The following CD96 variants were observed in gnomAD, a reference collection of about 807,000 sequenced individuals.
CD96 encodes CD96 molecule.
CD96 carries 70 observed loss-of-function variants against 71.3 expected under a neutral mutation model. The observed-to-expected ratio is 0.98, with a 90% confidence interval of 0.81 to 1.20. CD96 has a LOEUF of 1.20. CD96 is among the 50% of genes most tolerant of loss of function. CD96 has a pLI of 0.00. For synonymous variants in CD96, 248 were observed against 233.0 expected, an observed-to-expected ratio of 1.06 and a Z score of -0.59; for missense variants, 742 against 677.5, an observed-to-expected ratio of 1.10 and a Z score of -1.06.
downstream of CD96, among the ~76,000 whole-genome samples, chr3:111,654,888 G>A (rs1318996823): frequency 6.6e-6 from 1 of 152,222 alleles, no homozygotes; most frequent in African/African-American, 2.4e-5. Flanking sequence ...GGCTGGAGGG[G>A]ATAGAACAAC....
chr3:111,561,804 C>A lies in CD96; in HGVS notation c.419-5719C>A, dbSNP rs539294989. On this transcript the variant is annotated intron_variant, in intron 2 of 13. Transcript: ENST00000352690. ...TGGGCAATGGCGGGCGCCCCTCCCC[C>A]AGCCTCGCTGCCGACTTGCAGTTTG... Among the ~76,000 whole-genome samples the A allele has an allele frequency of 6.0e-5, 9 of 150,490 alleles. No homozygotes were observed. The South Asian group carries it at 1.7e-3, about 29-fold the overall frequency.
At chr3:111,583,977 G>T (rs1936587981) in intron 4 of CD96, among the ~76,000 whole-genome samples, 2 of 152,194 alleles carry the variant, frequency 1.3e-5, no homozygotes, top group Non-Finnish European at 2.9e-5. Flanking sequence ...TAGAAAATGG[G>T]TTTCTCTTTT....
intron 12 of CD96, among the ~76,000 whole-genome samples, chr3:111,644,198 A>T (rs1399118873): frequency 6.6e-6 from 1 of 152,178 alleles, no homozygotes; most frequent in African/African-American, 2.4e-5. Flanking sequence ...TCAACAAAGC[A>T]AACAAAAACA....
At chr3:111,552,697 C>T (rs1446237034) in intron 2 of CD96, among the ~76,000 whole-genome samples, 4 of 152,052 alleles carry the variant, frequency 2.6e-5, no homozygotes, top group Non-Finnish European at 2.9e-5. Flanking sequence ...CAGATTTGGC[C>T]CACAGGCCAA....
chr3:111,572,512 T>C (rs529707605), intron 3 of CD96, among the ~76,000 whole-genome samples: 1 of 152,334 alleles, frequency 6.6e-6, no homozygotes, highest in East Asian at 1.9e-4. Context: ...CTTTAATCTC[T>C]TCTTAAACTA....
chr3:111,596,804 G>A (rs899460207), intron 5 of CD96, among the ~76,000 whole-genome samples: 1 of 152,112 alleles, frequency 6.6e-6, no homozygotes, highest in Non-Finnish European at 1.5e-5. Flanking sequence ...GGAGAGACTA[G>A]CATCCCTGGC....
intron 2 of CD96, among the ~76,000 whole-genome samples, chr3:111,558,047 C>T (rs1935166856): frequency 6.7e-6 from 1 of 149,328 alleles, no homozygotes; most frequent in African/African-American, 2.5e-5. Context: ...GATTTTTGTA[C>T]ATTGATTCTG....
At chr3:111,543,652 T>C (rs1934226887) in intron 1 of CD96, among the ~76,000 whole-genome samples, 1 of 152,242 alleles carries the variant, frequency 6.6e-6, no homozygotes. Flanking sequence ...AAGTTATATG[T>C]AGGCTAAGAA....
At chr3:111,566,605 G>C (rs1224752153) in intron 2 of CD96, among the ~76,000 whole-genome samples, 1 of 152,068 alleles carries the variant, frequency 6.6e-6, no homozygotes, top group African/African-American at 2.4e-5. Flanking sequence ...ATATTTAGAT[G>C]GTAGAGTTGC....
chr3:111,598,579 C>A (rs1430438309), intron 6 of CD96, among the ~76,000 whole-genome samples: 1 of 152,186 alleles, frequency 6.6e-6, no homozygotes, highest in Non-Finnish European at 1.5e-5. Context: ...TTTCTTATTT[C>A]AATACAATAT....
chr3:111,654,138 T>C (rs897472895), downstream of CD96, among the ~76,000 whole-genome samples: 4 of 152,196 alleles, frequency 2.6e-5, no homozygotes, highest in African/African-American at 9.6e-5. Context: ...TTGTTCTCTC[T>C]GAGACGAGGG....
chr3:111,653,766 A>T (rs1483391571), downstream of CD96, among the ~76,000 whole-genome samples: 2 of 148,738 alleles, frequency 1.3e-5, no homozygotes, highest in Non-Finnish European at 3.0e-5. Flanking sequence ...TTAGGTCAAT[A>T]TTTTTTTTTT....
Position 111,638,128 on chromosome 3 carries a change from T to G in CD96, c.1437T>G (p.Thr479=), listed in dbSNP as rs766329053. ...TARAFSEVPT[T]ANGSTKTNHV... Reference sequence around the variant, plus strand: ...GAGCATTTTCAGAAGTCCCCACAACTGCCAATGGATCTACGAAAACTAATC... The same window carrying G: ...GAGCATTTTCAGAAGTCCCCACAACGGCCAATGGATCTACGAAAACTAATC... The change falls in exon 12 of 14, where the codon ACT becomes ACG. Residue 479 remains threonine, a synonymous_variant. Transcript: ENST00000352690. 1 of 1,611,714 alleles carries G rather than the reference T, an allele frequency of 6.2e-7. No individual in the cohort carries two copies. Among genetic ancestry groups the G allele is most frequent in the Non-Finnish European group, 8.5e-7 (1 of 1,177,822 alleles).
chr3:111,589,485 C>T (rs1344568812), intron 5 of CD96, among the ~76,000 whole-genome samples: 2 of 152,202 alleles, frequency 1.3e-5, no homozygotes, highest in South Asian at 2.1e-4. Flanking sequence ...AATCTTTCTC[C>T]AATCACACAT....
intron 5 of CD96, chr3:111,593,821 G>A (rs143138825): frequency 1.1e-4 from 173 of 1,613,984 alleles, no homozygotes; most frequent in African/African-American, 1.3e-4. Context: ...GCTGGGGCCC[G>A]TGGGGCCTTG....
chr3:111,652,259 C>T lies in CD96; in HGVS notation c.*2453C>T, dbSNP rs548515771. On this transcript the variant is annotated 3_prime_UTR_variant, in exon 14 of 14. Transcript: ENST00000352690. The stretch of plus-strand genomic sequence containing the variant: ...TGCCTTAATTATTTATCTTTAGTTC[C>T]TTATTAGTTCTCAAGAAACAAATGC... 6.6e-6 allele frequency: 1 copy of T among 152,112 alleles called. No individual in the cohort carries two copies. The highest frequency in any genetic ancestry group is 6.5e-5 in the Admixed American group (1 of 15,280). The allele number at this position is 152,112 out of a possible 1,614,324, so 9.4% of individuals were successfully genotyped here. A position where few individuals can be genotyped will look rare whatever the true frequency, so the allele number is the denominator to read the frequency against.
chr3:111,542,476 C>A (rs1355345524), intron 1 of CD96, among the ~76,000 whole-genome samples, 167 bp downstream of exon 1: 1 of 152,014 alleles, frequency 6.6e-6, no homozygotes, highest in Middle Eastern at 3.2e-3. Flanking sequence ...AAGAGAGATG[C>A]TAGAATCTAG....
At chr3:111,553,758 C>T (rs1019002680) in intron 2 of CD96, among the ~76,000 whole-genome samples, 33 of 151,682 alleles carry the variant, frequency 2.2e-4, no homozygotes, top group African/African-American at 7.3e-4. Context: ...GAAAGTGACC[C>T]GTAAGTATTT....
At chr3:111,564,693 CT>C (rs1297311184) in intron 2 of CD96, among the ~76,000 whole-genome samples, 1 of 152,012 alleles carries the variant, frequency 6.6e-6, no homozygotes, top group Non-Finnish European at 1.5e-5. Context: ...GTTCTCTATT[CT>C]TTTTTTGCTT....
Sources: gnomAD v4.1 joint callset for allele counts (sites outside exome capture counted in the v4.1 genomes callset) on GRCh38, gnomAD v4.1.1 for gene constraint, MANE v1.5 for transcripts, NCBI Gene and HGNC (gene_info 2026-07-23, HGNC 2026-07-21) for gene names.